The following ARHGAP28 variants were observed in gnomAD, a reference collection of about 807,000 sequenced individuals.
ARHGAP28 encodes the protein rho GTPase-activating protein 28.
In ARHGAP28, 56 loss-of-function variants were observed where a neutral mutation model predicts 90.7. That is an observed-to-expected ratio of 0.62 (90% CI 0.50 to 0.77). The LOEUF (loss-of-function observed/expected upper bound fraction) is 0.77. Among genes scored for constraint, ARHGAP28 ranks in the 30% least tolerant of loss-of-function variants. ARHGAP28 has a pLI of 0.00. For missense variants in ARHGAP28, 869 were observed against 900.9 expected, an observed-to-expected ratio of 0.96 and a Z score of 0.45; for synonymous variants, 308 against 323.3, an observed-to-expected ratio of 0.95 and a Z score of 0.51.
chr18:6,899,117 G>C (rs1433275227), intron 16 of ARHGAP28, among the ~76,000 whole-genome samples: 1 of 152,078 alleles, frequency 6.6e-6, no homozygotes, highest in Non-Finnish European at 1.5e-5. Context: ...GCCTATTTCA[G>C]TTTAAGTGTT....
At chr18:6,871,202 G>A (rs1439764461) in intron 7 of ARHGAP28, among the ~76,000 whole-genome samples, 1 of 152,242 alleles carries the variant, frequency 6.6e-6, no homozygotes, top group Non-Finnish European at 1.5e-5. Flanking sequence ...GGCACCACTT[G>A]TTGTGCAGTG....
intron 1 of ARHGAP28, among the ~76,000 whole-genome samples, chr18:6,785,610 C>T (rs1343203202): frequency 6.6e-6 from 1 of 152,180 alleles, no homozygotes; most frequent in Non-Finnish European, 1.5e-5. Context: ...TGGTCCTGGG[C>T]CCCTGGTATG....
chr18:6,890,318 C>A, intron 13 of ARHGAP28, 112 bp from the exon 14 acceptor site: 1 of 773,654 alleles, frequency 1.3e-6, no homozygotes, highest in Non-Finnish European at 2.1e-6. Flanking sequence ...GCCACCATTC[C>A]TGGCTCCAGG....
chr18:6,773,300 G>T (rs1034327310), intron 1 of ARHGAP28, among the ~76,000 whole-genome samples: 3 of 152,138 alleles, frequency 2.0e-5, no homozygotes, highest in African/African-American at 7.2e-5. Context: ...ACAAGCAACA[G>T]ATGCATACAT....
chr18:6,736,592 A>T (rs1393182406), intron 1 of ARHGAP28, among the ~76,000 whole-genome samples: 3 of 150,516 alleles, frequency 2.0e-5, no homozygotes, highest in Non-Finnish European at 4.4e-5. Flanking sequence ...AAAAAAAAAT[A>T]CAAAATTAGT....
chr18:6,737,704 A>G (rs938650377), intron 1 of ARHGAP28, among the ~76,000 whole-genome samples: 1 of 152,188 alleles, frequency 6.6e-6, no homozygotes, highest in Non-Finnish European at 1.5e-5. Flanking sequence ...ATGAAGTTTC[A>G]TACATTATTT....
At chr18:6,835,298 T>C (rs1283960612) in intron 2 of ARHGAP28, among the ~76,000 whole-genome samples, 1 of 152,168 alleles carries the variant, frequency 6.6e-6, no homozygotes, top group Non-Finnish European at 1.5e-5. Flanking sequence ...GTAAATTTTG[T>C]CTTCAGAAAT....
chr18:6,869,212 C>T (rs534628816), intron 6 of ARHGAP28, among the ~76,000 whole-genome samples: 53 of 151,558 alleles, frequency 3.5e-4, no homozygotes, highest in African/African-American at 1.1e-3. Context: ...AATGCAAGCC[C>T]CTGTATAACA....
intron 10 of ARHGAP28, among the ~76,000 whole-genome samples, chr18:6,879,138 C>T (rs1315457532): frequency 6.6e-6 from 1 of 152,090 alleles, no homozygotes; most frequent in African/African-American, 2.4e-5. Context: ...GACTTGAGGC[C>T]TCAGCTCATT....
chr18:6,763,850 C>T (rs533079515), intron 1 of ARHGAP28, among the ~76,000 whole-genome samples: 6 of 152,308 alleles, frequency 3.9e-5, no homozygotes, highest in Admixed American at 2.0e-4. Flanking sequence ...GTGAGCACAG[C>T]GCTCTGAGCT....
At chr18:6,815,716 A>G (rs1267823996) in intron 1 of ARHGAP28, among the ~76,000 whole-genome samples, 1 of 152,170 alleles carries the variant, frequency 6.6e-6, no homozygotes, top group Non-Finnish European at 1.5e-5. Flanking sequence ...ATGTACAGGC[A>G]TACCTCAATA....
chr18:6,796,972 A>C, intron 1 of ARHGAP28, among the ~76,000 whole-genome samples: 1 of 152,204 alleles, frequency 6.6e-6, no homozygotes, highest in Middle Eastern at 3.2e-3. Context: ...TAAACTGGGG[A>C]TGGCAATTGA....
intron 1 of ARHGAP28, among the ~76,000 whole-genome samples, chr18:6,788,271 G>T (rs1025297576): frequency 6.6e-6 from 1 of 152,034 alleles, no homozygotes. Flanking sequence ...GCCAGGTGAC[G>T]TGCTAGCTCC....
In ARHGAP28 at chr18:6,870,749, A is replaced by G. The variant is rs1303186506; in HGVS notation, c.954+17A>G. ...GTTTTAACTGTAAGCAAAACCTTTC[A>G]TGATTATTCCAGGAACTTCCTGTGA... On this transcript the variant is annotated intron_variant, in intron 7 of 17. Transcript: ENST00000383472. The G allele has an allele frequency of 3.8e-6, 6 of 1,582,148 alleles. No homozygotes were observed. Among genetic ancestry groups the G allele is most frequent in the African/African-American group, 1.4e-5 (1 of 72,608 alleles).
intron 5 of ARHGAP28, 81 bp from the exon 6 acceptor site, chr18:6,868,069 C>A (rs546363035): frequency 2.6e-6 from 3 of 1,159,888 alleles, no homozygotes; most frequent in Non-Finnish European, 3.9e-6. Context: ...TTGTATACTG[C>A]AGAACATAAG....
intron 10 of ARHGAP28, among the ~76,000 whole-genome samples, chr18:6,880,938 A>G (rs2057173267): frequency 6.6e-6 from 1 of 152,174 alleles, no homozygotes; most frequent in South Asian, 2.1e-4. Context: ...AGAACTTTAT[A>G]TTTATGCTTA....
At chr18:6,895,107 T>A (rs1421059301) in intron 15 of ARHGAP28, among the ~76,000 whole-genome samples, 2 of 152,130 alleles carry the variant, frequency 1.3e-5, no homozygotes, top group East Asian at 3.9e-4. Context: ...TGTGGAAAGT[T>A]ATAGGAGGAA....
chr18:6,835,033 G>A (rs2056742965), intron 2 of ARHGAP28, among the ~76,000 whole-genome samples: 1 of 152,180 alleles, frequency 6.6e-6, no homozygotes, highest in South Asian at 2.1e-4. Context: ...CTGTGTTGAA[G>A]TTATGTATTT....
At chr18:6,893,252 T>C (rs1465002268) in intron 14 of ARHGAP28, among the ~76,000 whole-genome samples, 1 of 152,178 alleles carries the variant, frequency 6.6e-6, no homozygotes, top group African/African-American at 2.4e-5. Context: ...AACAAATCAT[T>C]AGACTTCTTG....
Sources: gnomAD v4.1 joint callset for allele counts (sites outside exome capture counted in the v4.1 genomes callset) on GRCh38, gnomAD v4.1.1 for gene constraint, MANE v1.5 for transcripts, NCBI Gene and HGNC (gene_info 2026-07-23, HGNC 2026-07-21) for gene names.